The following KCNJ3 variants were observed in gnomAD, a reference collection of about 807,000 sequenced individuals.
KCNJ3 encodes the protein potassium inwardly rectifying channel subfamily J member 3.
KCNJ3 carries 4 observed loss-of-function variants against 39.2 expected under a neutral mutation model. The ratio of observed to expected loss-of-function variants is 0.10; its 90% CI spans 0.05 to 0.23. The LOEUF (loss-of-function observed/expected upper bound fraction) is 0.23, where lower values mean the gene tolerates loss of function less well. Ranked by LOEUF, KCNJ3 falls within the 10% of genes least tolerant of loss-of-function variation. KCNJ3 has a pLI of 1.00. For missense variants in KCNJ3, 276 were observed against 634.9 expected (o/e 0.43, Z 6.08); for synonymous variants, 230 against 237.4 (o/e 0.97, Z 0.29).
intron 2 of KCNJ3, among the ~76,000 whole-genome samples, chr2:154,749,376 T>C (rs1685799699): frequency 6.6e-6 from 1 of 152,108 alleles, no homozygotes; most frequent in Admixed American, 6.6e-5. Flanking sequence ...TTCGTTATGG[T>C]TCCTGCAGGT....
rs999374411 is a variant in KCNJ3, at chr2:154,709,677, A to C, written c.777A>C (p.Ala259=). ...TGGATGTAGGTTTTAGTACAGGGGC[A>C]GATCAACTTTTTCTTGTGTCCCCCC... ...LELDVGFSTG[A]DQLFLVSPLT... is the part of the protein sequence containing the mutation. Residue 259 remains alanine (A), a synonymous_variant, in exon 2 of 3, where the codon GCA becomes GCC. Transcript: ENST00000295101. The C allele has an allele frequency of 6.2e-7, 1 of 1,613,944 alleles. No individual in the cohort carries two copies. Among genetic ancestry groups the C allele is most frequent in the African/African-American group, 1.3e-5 (1 of 75,000 alleles).
At chr2:154,762,715 C>T (rs1686066277) in intron 2 of KCNJ3, among the ~76,000 whole-genome samples, 1 of 152,102 alleles carries the variant, frequency 6.6e-6, no homozygotes, top group East Asian at 1.9e-4. Flanking sequence ...GAACTCCACT[C>T]CCTGGGGCCC....
At chr2:154,787,268 C>T (rs1686547057) in intron 2 of KCNJ3, among the ~76,000 whole-genome samples, 1 of 152,128 alleles carries the variant, frequency 6.6e-6, no homozygotes, top group African/African-American at 2.4e-5. Flanking sequence ...TGAGCTCTGC[C>T]ATTCACTAAT....
intron 2 of KCNJ3, among the ~76,000 whole-genome samples, chr2:154,818,866 C>T (rs534697288): frequency 1.5e-4 from 23 of 148,860 alleles, no homozygotes; most frequent in African/African-American, 5.4e-4. Context: ...AATTCAGCAG[C>T]CAGCTAAACA....
intron 2 of KCNJ3, among the ~76,000 whole-genome samples, chr2:154,778,062 A>G (rs1686370506): frequency 6.6e-6 from 1 of 152,128 alleles, no homozygotes; most frequent in Non-Finnish European, 1.5e-5. Flanking sequence ...ACAATTAGAA[A>G]TCATAAAGAA....
intron 2 of KCNJ3, among the ~76,000 whole-genome samples, chr2:154,724,635 G>A (rs1685317766): frequency 6.6e-6 from 1 of 151,742 alleles, no homozygotes; most frequent in Non-Finnish European, 1.5e-5. Context: ...CAGCAATTAT[G>A]TACTATAGGA....
intron 2 of KCNJ3, among the ~76,000 whole-genome samples, chr2:154,756,187 T>C (rs754525636): frequency 2.0e-5 from 3 of 152,150 alleles, no homozygotes; most frequent in African/African-American, 2.4e-5. Context: ...CAGAACTTGA[T>C]ACCAGTATCA....
At chr2:154,772,120 C>T (rs189542483) in intron 2 of KCNJ3, among the ~76,000 whole-genome samples, 1 of 152,268 alleles carries the variant, frequency 6.6e-6, no homozygotes, top group East Asian at 1.9e-4. Flanking sequence ...AGAAAGATGA[C>T]TGACTGGCTT....
chr2:154,766,408 G>C (rs914686271), intron 2 of KCNJ3, among the ~76,000 whole-genome samples: 1 of 151,968 alleles, frequency 6.6e-6, no homozygotes, highest in African/African-American at 2.4e-5. Context: ...AAGGTTGCAG[G>C]TTTTCTTCTG....
intron 2 of KCNJ3, among the ~76,000 whole-genome samples, chr2:154,768,546 A>G (rs1305888473): frequency 2.6e-5 from 4 of 152,164 alleles, no homozygotes; most frequent in Non-Finnish European, 5.9e-5. Flanking sequence ...ATTGGTCTAT[A>G]TCTCTGTTTT....
At chr2:154,705,797 AT>A (rs1684998482) in intron 1 of KCNJ3, among the ~76,000 whole-genome samples, 1 of 152,070 alleles carries the variant, frequency 6.6e-6, no homozygotes, top group African/African-American at 2.4e-5. Flanking sequence ...ATTTAAACAA[AT>A]TTTAAGCTCT....
At chr2:154,813,905 AATGTT>A (rs2105103845) in intron 2 of KCNJ3, among the ~76,000 whole-genome samples, 1 of 152,274 alleles carries the variant, frequency 6.6e-6, no homozygotes, top group African/African-American at 2.4e-5. Flanking sequence ...TTATCCCTTT[AATGTT>A]ATGTTTCAAT....
At chr2:154,806,930 C>G (rs1686922185) in intron 2 of KCNJ3, among the ~76,000 whole-genome samples, 1 of 152,146 alleles carries the variant, frequency 6.6e-6, no homozygotes, top group South Asian at 2.1e-4. Flanking sequence ...CGGGTTTCAC[C>G]TTGGTCTCAA....
At chr2:154,777,598 G>T (rs1385366499) in intron 2 of KCNJ3, among the ~76,000 whole-genome samples, 1 of 152,078 alleles carries the variant, frequency 6.6e-6, no homozygotes, top group African/African-American at 2.4e-5. Context: ...TATTGGAAGT[G>T]GTATTATTAT....
At chr2:154,761,027 G>A (rs558668123) in intron 2 of KCNJ3, among the ~76,000 whole-genome samples, 15 of 148,386 alleles carry the variant, frequency 1.0e-4, no homozygotes, top group African/African-American at 2.7e-4. Flanking sequence ...GTGAGCCACC[G>A]TGACCGGCCC....
At chr2:154,760,917 G>A (rs925600894) in intron 2 of KCNJ3, among the ~76,000 whole-genome samples, 7 of 150,424 alleles carry the variant, frequency 4.7e-5, no homozygotes, top group Non-Finnish European at 7.4e-5. Flanking sequence ...TTTCTATTTT[G>A]TAGTACATAT....
chr2:154,770,033 G>C (rs1429172189), intron 2 of KCNJ3, among the ~76,000 whole-genome samples: 2 of 152,080 alleles, frequency 1.3e-5, no homozygotes, highest in African/African-American at 2.4e-5. Flanking sequence ...TGTTATTACT[G>C]GTTCTGAAAA....
At chr2:154,844,140 C>T (rs1158320013) in intron 2 of KCNJ3, among the ~76,000 whole-genome samples, 1 of 151,770 alleles carries the variant, frequency 6.6e-6, no homozygotes, top group Non-Finnish European at 1.5e-5. Flanking sequence ...TGTAGATGAC[C>T]TTTTTGTTGA....
chr2:154,791,011 TC>T (rs1686619280), intron 2 of KCNJ3, among the ~76,000 whole-genome samples: 1 of 151,990 alleles, frequency 6.6e-6, no homozygotes, highest in South Asian at 2.1e-4. Context: ...CCTCCTTCTC[TC>T]CCCAGAAGCT....
Sources: gnomAD v4.1 joint callset for allele counts (sites outside exome capture counted in the v4.1 genomes callset) on GRCh38, gnomAD v4.1.1 for gene constraint, MANE v1.5 for transcripts, NCBI Gene and HGNC (gene_info 2026-07-23, HGNC 2026-07-21) for gene names.